The following RAD54L2 variants were observed in gnomAD, a reference collection of about 807,000 sequenced individuals.
RAD54L2 encodes RAD54 like 2.
Under a neutral mutation model 138.4 loss-of-function variants are expected in RAD54L2, and 27 were observed. The observed-to-expected ratio is 0.20, with a 90% CI of 0.14 to 0.27. RAD54L2 has a LOEUF of 0.27. Ranked by LOEUF, RAD54L2 falls within the 10% of genes least tolerant of loss-of-function variation. The pLI is 1.00. For missense variants in RAD54L2, 1,396 were observed against 1,890.2 expected (o/e 0.74, Z 4.85); for synonymous variants, 644 against 723.2 (o/e 0.89, Z 1.76).
rs761095091 is a variant in RAD54L2 at position 51,663,084 on chromosome 3, T to C, written c.4068T>C (p.Ser1356=). 1.8e-5 allele frequency: 29 copies of C among 1,613,850 alleles called. No individual in the cohort carries two copies. The highest frequency in any genetic ancestry group is 2.2e-5 in the Non-Finnish European group (26 of 1,179,884). The change falls in exon 23 of 23, where the codon TCT becomes TCC. Residue 1356 remains serine, a synonymous_variant. Transcript: ENST00000684192. ...PLVPAGPVSS[S]STATSVTASN... ...TGCCAGCAGGCCCCGTCAGTTCCTC[T>C]TCCACGGCTACCTCAGTCACTGCCA...
chr3:51,601,225 G>C (rs1248694835), intron 3 of RAD54L2, among the ~76,000 whole-genome samples: 1 of 151,828 alleles, frequency 6.6e-6, no homozygotes, highest in African/African-American at 2.4e-5. Flanking sequence ...TTTTGGCCAG[G>C]CTGGTCTTGA....
At chr3:51,561,780 C>T (rs1699105204) in intron 2 of RAD54L2, among the ~76,000 whole-genome samples, 1 of 152,020 alleles carries the variant, frequency 6.6e-6, no homozygotes, top group Non-Finnish European at 1.5e-5. Context: ...GTCTTGAATT[C>T]CTATGCTTAA....
At chr3:51,580,954 G>A (rs917803330) in intron 2 of RAD54L2, among the ~76,000 whole-genome samples, 4 of 152,068 alleles carry the variant, frequency 2.6e-5, no homozygotes, top group Non-Finnish European at 5.9e-5. Flanking sequence ...ATATCACAAC[G>A]TAGTAGTCAT....
chr3:51,575,380 G>A (rs1032829082), intron 2 of RAD54L2, among the ~76,000 whole-genome samples: 4 of 152,096 alleles, frequency 2.6e-5, no homozygotes, highest in Admixed American at 6.5e-5. Context: ...TTCCAATTCT[G>A]TGAAGAAAGT....
At chr3:51,559,099 T>C (rs186777643) in intron 2 of RAD54L2, among the ~76,000 whole-genome samples, 1 of 152,146 alleles carries the variant, frequency 6.6e-6, no homozygotes, top group Admixed American at 6.5e-5. Context: ...GGTCTCAAAC[T>C]CCTGACCTCA....
At chr3:51,574,651 G>A (rs1699422571) in intron 2 of RAD54L2, among the ~76,000 whole-genome samples, 1 of 152,302 alleles carries the variant, frequency 6.6e-6, no homozygotes, top group East Asian at 1.9e-4. Flanking sequence ...CTTCTTTTGA[G>A]AAGTATCTGT....
intron 2 of RAD54L2, among the ~76,000 whole-genome samples, chr3:51,575,852 C>G (rs1699468687): frequency 6.6e-6 from 1 of 152,164 alleles, no homozygotes; most frequent in Non-Finnish European, 1.5e-5. Context: ...TTTCTCCTGC[C>G]TGATTGCCCT....
chr3:51,605,930 A>G (rs1700171640), intron 3 of RAD54L2, among the ~76,000 whole-genome samples: 1 of 152,178 alleles, frequency 6.6e-6, no homozygotes, highest in South Asian at 2.1e-4. Flanking sequence ...GGCTTTCTGG[A>G]GGAATAACCA....
intron 2 of RAD54L2, among the ~76,000 whole-genome samples, chr3:51,551,138 T>A (rs1698825425): frequency 6.6e-6 from 1 of 152,102 alleles, no homozygotes; most frequent in Admixed American, 6.6e-5. Flanking sequence ...TCATTTAATC[T>A]TTTTTTGTTG....
rs1264996486 is a variant in RAD54L2, at chr3:51,664,102, A to G, written c.*682A>G. 6.6e-6 allele frequency: 1 copy of G among 152,226 alleles called. No homozygotes were observed. The allele number at this position is 152,226 out of a possible 1,614,324, so 9.4% of individuals were successfully genotyped here. A position where few individuals can be genotyped will look rare whatever the true frequency, so the allele number is the denominator to read the frequency against. On this transcript the variant is annotated 3_prime_UTR_variant, in exon 23 of 23. Coordinates refer to ENST00000684192, the MANE Select transcript of RAD54L2 (RefSeq NM_015106.4). ...GTCAGTTTGGTGGTTCATGGCACCT[A>G]GTGTGAACATCAGGGTGAGCCCAGA...
intron 2 of RAD54L2, among the ~76,000 whole-genome samples, chr3:51,542,918 T>C (rs1332725132): frequency 1.3e-5 from 2 of 152,138 alleles, no homozygotes; most frequent in African/African-American, 2.4e-5. Flanking sequence ...GGCTCTCCCA[T>C]TGATAGAACA....
rs545305365 is a variant in RAD54L2, at chr3:51,563,309, T to C, written c.-55+21659T>C. 2.5e-4 allele frequency among the ~76,000 whole-genome samples: 38 copies of C among 152,366 alleles called. No homozygotes were observed. In the South Asian group the frequency reaches 7.7e-3, roughly 31 times the overall value. On this transcript the variant is annotated intron_variant, in intron 2 of 22. Transcript: ENST00000684192. ...AAGAGCATGTTTAGATTTTGGCACC[T>C]GGCTGTATTAGAACTATCTTTGTAG... is the stretch of plus-strand genomic sequence containing the variant.
At chr3:51,630,546 C>G in intron 6 of RAD54L2, 158 bp downstream of exon 6, 1 of 980,706 alleles carries the variant, frequency 1.0e-6, no homozygotes, top group Non-Finnish European at 1.5e-6. Context: ...TTTTGCTTGT[C>G]TTAACTTGAA....
Position 51,590,426 on chromosome 3 carries a change from A to G in RAD54L2, c.6A>G (p.Ser2=). 1 of 1,537,910 alleles carries G rather than the reference A, an allele frequency of 6.5e-7. No homozygotes were observed. The highest frequency in any genetic ancestry group is 8.8e-7 in the Non-Finnish European group (1 of 1,138,510). M[S]DESASGSDPD... ...ACTGAGGACCTCTGGGAGCCATGTC[A>G]GACGAATCTGCCTCAGGGAGCGATC... Residue 2 remains serine, a synonymous_variant, in exon 3 of 23, where the codon TCA becomes TCG. Transcript: ENST00000684192.
At chr3:51,609,218 G>A (rs751004099) in intron 3 of RAD54L2, among the ~76,000 whole-genome samples, 69 of 152,220 alleles carry the variant, frequency 4.5e-4, no homozygotes, top group Non-Finnish European at 1.6e-4. Context: ...GGCTTTACCT[G>A]TCTTCTCTGA....
chr3:51,600,702 C>A (rs1027192779), intron 3 of RAD54L2, among the ~76,000 whole-genome samples: 1 of 152,082 alleles, frequency 6.6e-6, no homozygotes, highest in Admixed American at 6.6e-5. Flanking sequence ...TGCGGTGGCT[C>A]ACGCCTGTAA....
chr3:51,592,456 C>T (rs549831845), intron 3 of RAD54L2, among the ~76,000 whole-genome samples: 121 of 152,066 alleles, frequency 8.0e-4, no homozygotes, highest in Non-Finnish European at 1.5e-3. Context: ...TCCTGCTGTG[C>T]TCTGCTAGGT....
chr3:51,660,962 T>G (rs1362310513), intron 22 of RAD54L2, among the ~76,000 whole-genome samples: 1 of 145,010 alleles, frequency 6.9e-6, no homozygotes, highest in Non-Finnish European at 1.5e-5. Context: ...CCATTGCTCC[T>G]CCTTTTTTTG....
chr3:51,587,779 A>G (rs1399072717), intron 2 of RAD54L2, among the ~76,000 whole-genome samples: 1 of 152,224 alleles, frequency 6.6e-6, no homozygotes, highest in Admixed American at 6.5e-5. Context: ...TCTGAAGCTT[A>G]GTAAGATATT....
Sources: allele counts gnomAD v4.1 joint callset (sites outside exome capture counted in the v4.1 genomes callset), GRCh38; gene constraint gnomAD v4.1.1; transcripts MANE v1.5; gene names NCBI Gene and HGNC (gene_info 2026-07-23, HGNC 2026-07-21).